C13orf42: variants seen among roughly 807,000 people sequenced by gnomAD.
C13orf42 encodes chromosome 13 open reading frame 42, also known as uncharacterized protein C13orf42.
chr13:51,127,404 A>G (rs905521223), intron 1 of C13orf42, among the ~76,000 whole-genome samples: 1 of 152,222 alleles, frequency 6.6e-6, no homozygotes, highest in Non-Finnish European at 1.5e-5. Flanking sequence ...TAACTTGTCC[A>G]TAGCCATACA....
At chr13:51,134,923 G>A (rs768601970) in intron 1 of C13orf42, among the ~76,000 whole-genome samples, 14 of 152,192 alleles carry the variant, frequency 9.2e-5, no homozygotes, top group Admixed American at 5.9e-4. Context: ...CAGCCGCAGC[G>A]GGGTAAGATT....
intron 1 of C13orf42, 85 bp downstream of exon 1, chr13:51,110,711 G>A (rs1479318934): frequency 2.5e-6 from 1 of 397,590 alleles, no homozygotes; most frequent in African/African-American, 2.1e-5. Context: ...ATTAAGCCAT[G>A]CAGAGGTAGG....
At chr13:51,087,846 C>T (rs1953144544) in intron 2 of C13orf42, 82 bp downstream of exon 2, 1 of 397,838 alleles carries the variant, frequency 2.5e-6, no homozygotes, top group Non-Finnish European at 4.4e-6. Flanking sequence ...AAGTCCACCC[C>T]AGAGCCCCCA....
chr13:51,113,761 C>G (rs936917691), upstream of C13orf42, among the ~76,000 whole-genome samples: 45 of 152,242 alleles, frequency 3.0e-4, no homozygotes, highest in African/African-American at 1.1e-3. Flanking sequence ...ACTACAAGTG[C>G]CCATCAAACC....
intron 1 of C13orf42, chr13:51,161,978 C>G (rs565425463): frequency 6.6e-6 from 3 of 453,658 alleles, no homozygotes; most frequent in Middle Eastern, 1.6e-3. Context: ...CTCCACTTGG[C>G]CTTTATAGAT....
chr13:51,126,920 T>C (rs550382763), intron 1 of C13orf42, among the ~76,000 whole-genome samples: 1 of 152,278 alleles, frequency 6.6e-6, no homozygotes, highest in African/African-American at 2.4e-5. Context: ...ATCCCAGCAC[T>C]CTGGGATGCC....
intron 1 of C13orf42, among the ~76,000 whole-genome samples, chr13:51,095,909 T>C (rs1411811659): frequency 6.6e-6 from 1 of 152,248 alleles, no homozygotes; most frequent in Admixed American, 6.5e-5. Context: ...TCTTGCTTTT[T>C]CACATAATTC....
chr13:51,120,365 T>C (rs1326104961), intron 1 of C13orf42, among the ~76,000 whole-genome samples: 1 of 152,196 alleles, frequency 6.6e-6, no homozygotes, highest in African/African-American at 2.4e-5. Flanking sequence ...AGAAGCTGTG[T>C]CACTGGAAGC....
intron 1 of C13orf42, among the ~76,000 whole-genome samples, chr13:51,117,921 G>T (rs985983028): frequency 6.6e-6 from 1 of 152,176 alleles, no homozygotes; most frequent in African/African-American, 2.4e-5. Context: ...GCTCTTGCCT[G>T]CATGGTCAAA....
At chr13:51,124,042 G>A (rs1399959727) in intron 1 of C13orf42, among the ~76,000 whole-genome samples, 1 of 152,156 alleles carries the variant, frequency 6.6e-6, no homozygotes, top group Non-Finnish European at 1.5e-5. Context: ...ACTCTTGAAG[G>A]TAACATCACT....
intron 1 of C13orf42, among the ~76,000 whole-genome samples, chr13:51,124,629 T>C (rs1385263187): frequency 6.6e-6 from 1 of 152,308 alleles, no homozygotes; most frequent in Non-Finnish European, 1.5e-5. Context: ...GAGGCAATCC[T>C]CCTCAGGTCA....
chr13:51,117,020 C>T (rs1381794634), intron 1 of C13orf42, among the ~76,000 whole-genome samples: 1 of 152,162 alleles, frequency 6.6e-6, no homozygotes, highest in African/African-American at 2.4e-5. Context: ...ATCACAGGAC[C>T]AACTCAGATT....
intron 1 of C13orf42, among the ~76,000 whole-genome samples, chr13:51,170,338 G>A (rs969967966): frequency 6.6e-6 from 1 of 152,228 alleles, no homozygotes; most frequent in South Asian, 2.1e-4. Context: ...GACTCGGATC[G>A]GGGGACCTCC....
At chr13:51,125,122 C>G (rs1206480246) in intron 1 of C13orf42, among the ~76,000 whole-genome samples, 1 of 152,150 alleles carries the variant, frequency 6.6e-6, no homozygotes, top group Non-Finnish European at 1.5e-5. Flanking sequence ...CCTGCCTTGC[C>G]TCTCCATTCA....
At chr13:51,168,481 T>A (rs1953918711) in intron 1 of C13orf42, among the ~76,000 whole-genome samples, 1 of 152,200 alleles carries the variant, frequency 6.6e-6, no homozygotes, top group Non-Finnish European at 1.5e-5. Context: ...TTGGAAGTGG[T>A]GAGCTTCTTC....
At chr13:51,098,715 A>G (rs1415350631) in intron 1 of C13orf42, among the ~76,000 whole-genome samples, 1 of 152,172 alleles carries the variant, frequency 6.6e-6, no homozygotes, top group Non-Finnish European at 1.5e-5. Flanking sequence ...TTCTCATCCA[A>G]GGCACCTCAA....
chr13:51,144,016 T>G (rs957120653), intron 1 of C13orf42, among the ~76,000 whole-genome samples: 7 of 152,164 alleles, frequency 4.6e-5, no homozygotes, highest in Non-Finnish European at 8.8e-5. Context: ...AGGTAACTAA[T>G]TTCCTTGTCA....
At chr13:51,092,395 C>T (rs897473975) in intron 1 of C13orf42, among the ~76,000 whole-genome samples, 3 of 152,110 alleles carry the variant, frequency 2.0e-5, no homozygotes, top group Non-Finnish European at 2.9e-5. Flanking sequence ...TTTGTTTTCA[C>T]CTAAATCTTA....
intron 1 of C13orf42, among the ~76,000 whole-genome samples, chr13:51,135,665 G>T (rs979071431): frequency 6.7e-6 from 1 of 149,222 alleles, no homozygotes. Flanking sequence ...AAAAAAAAAA[G>T]AAATAAAAGA....
Sources: gnomAD v4.1 joint callset for allele counts (sites outside exome capture counted in the v4.1 genomes callset) on GRCh38, gnomAD v4.1.1 for gene constraint, MANE v1.5 for transcripts, NCBI Gene and HGNC (gene_info 2026-07-23, HGNC 2026-07-21) for gene names.